NIN: variants seen among roughly 807,000 people sequenced by gnomAD.
NIN encodes glycogen synthase kinase 3 beta-interacting protein.
In NIN, 137 loss-of-function variants were observed where a neutral mutation model predicts 257.6. The observed-to-expected ratio is 0.53, with a 90% CI of 0.46 to 0.61. The LOEUF (loss-of-function observed/expected upper bound fraction) is 0.61. NIN is among the 20% of genes least tolerant of loss of function. The pLI is 0.00. For missense variants in NIN, 2,439 were observed against 2,501.2 expected (o/e 0.98, Z 0.53); for synonymous variants, 918 against 919.8 (o/e 1.00, Z 0.04).
chr14:50,741,104 T>G (rs1272980595), intron 25 of NIN, among the ~76,000 whole-genome samples: 1 of 152,268 alleles, frequency 6.6e-6, no homozygotes, highest in African/African-American at 2.4e-5. Flanking sequence ...GCTGTACTTT[T>G]TTGCAAGTCT....
chr14:50,766,991 T>C (rs985883716), intron 12 of NIN, 101 bp from the exon 13 acceptor site: 2 of 758,708 alleles, frequency 2.6e-6, no homozygotes, highest in African/African-American at 1.7e-5. Flanking sequence ...AGATTAAAGA[T>C]GTTTATCTAT....
intron 28 of NIN, among the ~76,000 whole-genome samples, chr14:50,734,684 T>C (rs144172996): frequency 1.0e-3 from 156 of 152,158 alleles, no homozygotes; most frequent in African/African-American, 3.6e-3. Flanking sequence ...TTTTTTTTCT[T>C]TTTCTTTCTT....
At position 50,766,328 on chromosome 14, in the gene NIN, A is replaced by G; in HGVS notation, c.1614T>C (p.Asn538=). The change falls in exon 14 of 31, where the codon AAT becomes AAC. Residue 538 remains asparagine, a synonymous_variant. Coordinates refer to ENST00000530997, the MANE Select transcript of NIN (RefSeq NM_020921.4). ...CTACCCTGCACTGCCGCTCATATTCATTTCTCATCTGTGTCAGTCTCTCTT... is the reference window on the plus strand; with the variant it reads ...CTACCCTGCACTGCCGCTCATATTCGTTTCTCATCTGTGTCAGTCTCTCTT... The part of the protein sequence containing the change: ...LQEERLTQMR[N]EYERQCRVLQ... 6.2e-7 allele frequency: 1 copy of G among 1,613,934 alleles called. No homozygotes were observed. The highest frequency in any genetic ancestry group is 8.5e-7 in the Non-Finnish European group (1 of 1,179,938).
intron 4 of NIN, among the ~76,000 whole-genome samples, chr14:50,804,776 A>G (rs1312698485): frequency 2.0e-5 from 3 of 151,940 alleles, no homozygotes; most frequent in African/African-American, 7.3e-5. Flanking sequence ...GCTAACACTA[A>G]TGATTGCTGA....
intron 27 of NIN, among the ~76,000 whole-genome samples, chr14:50,736,572 C>G (rs1260186076): frequency 6.6e-6 from 1 of 152,168 alleles, no homozygotes; most frequent in Non-Finnish European, 1.5e-5. Flanking sequence ...CTGAGGAGAA[C>G]AGCAAGAATT....
intron 7 of NIN, among the ~76,000 whole-genome samples, chr14:50,774,337 G>C (rs1262212429): frequency 1.3e-5 from 2 of 152,184 alleles, no homozygotes; most frequent in African/African-American, 4.8e-5. Context: ...GTAAGGGCTT[G>C]AGGCAATTCT....
chr14:50,787,338 ATTAGT>A (rs1295568185), intron 5 of NIN, among the ~76,000 whole-genome samples: 2 of 152,220 alleles, frequency 1.3e-5, no homozygotes, highest in African/African-American at 4.8e-5. Context: ...AGAATTGAGA[ATTAGT>A]TTAGTTTAGT....
Position 50,789,188 on chromosome 14 carries a change from C to T in NIN, c.435+3524G>A, listed in dbSNP as rs554196959. ...TGGTAGCCCCGAGATTAAGTATGAG[C>T]CCAAGGAATAAATTCCCAACATCCC... On this transcript the variant is annotated intron_variant, in intron 5 of 30. Coordinates refer to ENST00000530997, the MANE Select transcript of NIN (RefSeq NM_020921.4). Among the ~76,000 whole-genome samples, 15 of 152,232 alleles carry T rather than the reference C, an allele frequency of 9.9e-5. No homozygotes were observed. The South Asian group carries it at 3.1e-3, about 32-fold the overall frequency.
chr14:50,758,037 C>T lies in NIN; in HGVS notation c.2993G>A (p.Cys998Tyr), dbSNP rs754810443. The change falls in exon 18 of 31, where the codon TGT becomes TAT. Residue 998 changes from cysteine to tyrosine, a missense_variant. Physicochemically the swap from Cys to Tyr is radical, Grantham distance 194. Coordinates refer to ENST00000530997, the MANE Select transcript of NIN (RefSeq NM_020921.4). ...GGCTCTTTCTCGATCTGCTGTCTCACAGGTCGCTTTGTGAATGTTCTCCAT... is the reference window on the plus strand; with the variant it reads ...GGCTCTTTCTCGATCTGCTGTCTCATAGGTCGCTTTGTGAATGTTCTCCAT... ...LAMENIHKAT[C>Y]ETADRERAEM... 6.2e-7 allele frequency: 1 copy of T among 1,614,226 alleles called. No individual in the cohort carries two copies. The highest frequency in any genetic ancestry group is 8.5e-7 in the Non-Finnish European group (1 of 1,180,046).
chr14:50,736,966 A>G (rs1053088268), intron 27 of NIN, among the ~76,000 whole-genome samples: 2 of 152,182 alleles, frequency 1.3e-5, no homozygotes, highest in African/African-American at 4.8e-5. Flanking sequence ...AATTACAGAA[A>G]GCAAACTGAT....
chr14:50,755,465 G>GT (rs548705356), intron 18 of NIN, among the ~76,000 whole-genome samples: 2,222 of 141,436 alleles, frequency 0.016, 27 homozygotes, highest in South Asian at 0.074. Context: ...TAGTTTACAA[G>GT]TTTTTTTTTT....
At chr14:50,725,888 G>T in intron 30 of NIN, 65 bp downstream of exon 30, 1 of 1,613,590 alleles carries the variant, frequency 6.2e-7, no homozygotes, top group Non-Finnish European at 8.5e-7. Context: ...GCAATAAAGG[G>T]ATGTAAAACT....
At position 50,743,482 on chromosome 14, in the gene NIN, C is replaced by T. The variant is rs748459650; in HGVS notation, c.5235G>A (p.Gln1745=). ...LLEHRIATMK[Q]EQKSWEHQSA... is the part of the protein sequence containing the mutation. The stretch of plus-strand genomic sequence containing the variant: ...TCTGATGTTCCCAGGATTTCTGTTC[C>T]TGCTTCATCGTCGCAATTCTATGCT... Residue 1745 remains glutamine, a synonymous_variant, in exon 24 of 31, where the codon CAG becomes CAA. Transcript: ENST00000530997. The T allele has an allele frequency of 5.0e-6, 8 of 1,613,752 alleles. No homozygotes were observed. In the South Asian group the frequency reaches 7.7e-5, roughly 16 times the overall value.
At chr14:50,824,907 T>C (rs1190126816) in intron 2 of NIN, among the ~76,000 whole-genome samples, 1 of 152,252 alleles carries the variant, frequency 6.6e-6, no homozygotes, top group Non-Finnish European at 1.5e-5. Context: ...TGCCAATCTG[T>C]AACATGCAGC....
intron 28 of NIN, among the ~76,000 whole-genome samples, chr14:50,732,418 G>A (rs558943976): frequency 6.6e-6 from 1 of 152,264 alleles, no homozygotes; most frequent in South Asian, 2.1e-4. Flanking sequence ...TACTCTATAG[G>A]TATCATACTA....
chr14:50,751,475 A>T (rs1258731579), intron 21 of NIN, among the ~76,000 whole-genome samples: 1 of 112,812 alleles, frequency 8.9e-6, no homozygotes, highest in East Asian at 2.7e-4. Context: ...CTTATAGGTG[A>T]GAAATTATAC....
chr14:50,729,774 G>A, intron 28 of NIN, 51 bp from the exon 29 acceptor site: 5 of 1,416,128 alleles, frequency 3.5e-6, no homozygotes, highest in African/African-American at 2.8e-5. Flanking sequence ...CAATCCCAGA[G>A]CTGCCCTTTA....
chr14:50,772,429 C>T lies in NIN; in HGVS notation c.853G>A (p.Ala285Thr), dbSNP rs773734503. Residue 285 changes from alanine (A) to threonine (T), a missense_variant, in exon 9 of 31, where the codon GCA becomes ACA. By Grantham distance (58) the Ala-to-Thr change is moderately conservative (BLOSUM62 0). Around this residue, in one of 3 missense-constraint regions of NIN, gnomAD observed 387 missense variants for 427.3 expected, o/e 0.91. Transcript: ENST00000530997. ...ESGRRTTTSS[A>T]MTSTIGFRVF... ...CGAAAGCCAATGGTACTTGTCATTGCTGATGAGGTTGTGGTACGTCGTCCA... is the reference window on the plus strand; with the variant it reads ...CGAAAGCCAATGGTACTTGTCATTGTTGATGAGGTTGTGGTACGTCGTCCA... 5.0e-6 allele frequency: 8 copies of T among 1,614,058 alleles called. No individual in the cohort carries two copies. In the African/African-American group the frequency reaches 8.0e-5, roughly 16 times the overall value.
At chr14:50,735,382 A>G (rs2040925318) in intron 28 of NIN, 134 bp downstream of exon 28, 17 of 1,308,710 alleles carry the variant, frequency 1.3e-5, no homozygotes, top group Non-Finnish European at 1.6e-5. Flanking sequence ...AAGGCGGACC[A>G]AAGAATTCAA....
Sources: gnomAD v4.1 joint callset for allele counts (sites outside exome capture counted in the v4.1 genomes callset) on GRCh38, gnomAD v4.1.1 for gene constraint, gnomAD v4.1.1 regional missense constraint, MANE v1.5 for transcripts, NCBI Gene and HGNC (gene_info 2026-07-23, HGNC 2026-07-21) for gene names.